DISC1: variants seen among roughly 807,000 people sequenced by gnomAD.
The protein encoded by DISC1 is DISC1 scaffold protein.
In DISC1, 57 loss-of-function variants were observed where a neutral mutation model predicts 84.5. The observed-to-expected ratio is 0.67, with a 90% CI of 0.55 to 0.84. The LOEUF (loss-of-function observed/expected upper bound fraction) is 0.84. DISC1 is among the 40% of genes least tolerant of loss of function. The pLI is 0.00. For synonymous variants in DISC1, 411 were observed against 415.2 expected (o/e 0.99, Z 0.12); for missense variants, 1,000 against 1,057.8 (o/e 0.95, Z 0.76).
intron 9 of DISC1, among the ~76,000 whole-genome samples, chr1:231,861,373 TCC>T (rs141642458): frequency 0.053 from 7,920 of 149,194 alleles, 686 homozygotes; most frequent in African/African-American, 0.18. Context: ...CAAGCAATCC[TCC>T]CCCACCTTGG....
At chr1:231,745,455 C>T (rs1025793731) in intron 3 of DISC1, 1 of 225,078 alleles carries the variant, frequency 4.4e-6, no homozygotes, top group Non-Finnish European at 9.8e-6. Flanking sequence ...CTCCTGACCT[C>T]AAGCAATCCA....
At chr1:231,968,681 C>A (rs1170092363) in intron 10 of DISC1, among the ~76,000 whole-genome samples, 1 of 151,950 alleles carries the variant, frequency 6.6e-6, no homozygotes, top group African/African-American at 2.4e-5. Context: ...GTAATGAAGA[C>A]CCCTGAGGTT....
intron 9 of DISC1, chr1:231,855,409 T>C: frequency 1.0e-6 from 1 of 985,348 alleles, no homozygotes; most frequent in Non-Finnish European, 1.2e-6. Context: ...TCCACAGTGA[T>C]AGAATGTTCC....
intron 4 of DISC1, among the ~76,000 whole-genome samples, chr1:231,755,531 A>G (rs1015070488): frequency 3.9e-5 from 6 of 152,102 alleles, no homozygotes; most frequent in Admixed American, 1.3e-4. Context: ...TCAGTTTTCT[A>G]TTGAGCATCT....
chr1:231,793,659 A>C (rs2738884), intron 6 of DISC1, among the ~76,000 whole-genome samples: 149,001 of 152,206 alleles, frequency 0.98, 72,981 homozygotes, highest in East Asian at 1. Context: ...CTCATAGTGC[A>C]GCCCAATTAT....
rs1164324789 is a variant in DISC1 at position 232,039,259 on chromosome 1, C to T, written c.*2428C>T. On this transcript the variant is annotated 3_prime_UTR_variant, in exon 13 of 13. Transcript: ENST00000439617. The stretch of plus-strand genomic sequence containing the variant: ...CATTGCCAATAACAAATTCCTACTT[C>T]GACATATGTCTTTTCAAAAAGCCTC... 6.6e-6 allele frequency: 1 copy of T among 152,154 alleles called. No homozygotes were observed. Among genetic ancestry groups the T allele is most frequent in the Non-Finnish European group, 1.5e-5 (1 of 68,034 alleles). The allele number at this position is 152,154 out of a possible 1,614,324, so 9.4% of individuals were successfully genotyped here. A position where few individuals can be genotyped will look rare whatever the true frequency, so the allele number is the denominator to read the frequency against.
At chr1:231,756,912 A>G (rs905704110) in intron 4 of DISC1, among the ~76,000 whole-genome samples, 1 of 152,198 alleles carries the variant, frequency 6.6e-6, no homozygotes, top group South Asian at 2.1e-4. Flanking sequence ...AGTTGCTAAA[A>G]TTTTTTTAAA....
At chr1:232,022,586 G>A (rs926117108) in intron 11 of DISC1, among the ~76,000 whole-genome samples, 6 of 152,026 alleles carry the variant, frequency 3.9e-5, no homozygotes, top group African/African-American at 9.7e-5. Context: ...GATTACAGGC[G>A]TGAGCCACCG....
intron 9 of DISC1, among the ~76,000 whole-genome samples, chr1:231,927,616 T>C (rs1476599611): frequency 6.6e-6 from 1 of 152,220 alleles, no homozygotes; most frequent in Non-Finnish European, 1.5e-5. Context: ...GTGTTCTATT[T>C]ATGGGTAACC....
intron 10 of DISC1, among the ~76,000 whole-genome samples, chr1:231,971,907 G>A (rs912319733): frequency 2.6e-5 from 4 of 152,122 alleles, no homozygotes; most frequent in South Asian, 4.2e-4. Context: ...ATGATTTAGC[G>A]GACTAAGAAA....
At chr1:231,971,340 C>T (rs1661927360) in intron 10 of DISC1, among the ~76,000 whole-genome samples, 1 of 152,122 alleles carries the variant, frequency 6.6e-6, no homozygotes, top group African/African-American at 2.4e-5. Context: ...ATGGTATGAA[C>T]CTGTTAGCTT....
At chr1:232,013,267 G>A (rs1233373424) in intron 11 of DISC1, among the ~76,000 whole-genome samples, 2 of 152,188 alleles carry the variant, frequency 1.3e-5, no homozygotes, top group African/African-American at 4.8e-5. Context: ...TTCTGAGCCA[G>A]TAGCTCTCAC....
intron 1 of DISC1, among the ~76,000 whole-genome samples, chr1:231,653,394 T>G (rs1362088190): frequency 6.6e-6 from 1 of 152,156 alleles, no homozygotes; most frequent in Non-Finnish European, 1.5e-5. Flanking sequence ...GTTTGCAAGG[T>G]TGCCCTGGCC....
chr1:231,805,102 A>C (rs2079597298), intron 8 of DISC1, among the ~76,000 whole-genome samples: 2 of 152,226 alleles, frequency 1.3e-5, no homozygotes, highest in African/African-American at 4.8e-5. Context: ...CACATTAAGA[A>C]AAGTAATTTA....
At chr1:231,912,248 A>G (rs529348487) in intron 9 of DISC1, among the ~76,000 whole-genome samples, 114 of 152,344 alleles carry the variant, frequency 7.5e-4, no homozygotes, top group Non-Finnish European at 1.4e-3. Context: ...TTGGAGGAGA[A>G]GAGACACTCT....
intron 3 of DISC1, among the ~76,000 whole-genome samples, chr1:231,711,696 A>T (rs1051367347): frequency 6.6e-6 from 1 of 152,194 alleles, no homozygotes; most frequent in Non-Finnish European, 1.5e-5. Context: ...AGGCAGAGAC[A>T]CAAATTAACC....
intron 8 of DISC1, among the ~76,000 whole-genome samples, chr1:231,816,949 C>G (rs2081062529): frequency 6.6e-6 from 1 of 151,832 alleles, no homozygotes; most frequent in Admixed American, 6.6e-5. Context: ...CTTTCACCTC[C>G]TCCTCCTCCT....
intron 8 of DISC1, among the ~76,000 whole-genome samples, chr1:231,808,906 A>G (rs2079989270): frequency 6.6e-6 from 1 of 152,232 alleles, no homozygotes; most frequent in African/African-American, 2.4e-5. Flanking sequence ...AGTGTAATTT[A>G]CGGATCCTGG....
intron 3 of DISC1, among the ~76,000 whole-genome samples, chr1:231,712,828 G>A (rs1235280115): frequency 2.6e-5 from 4 of 152,166 alleles, no homozygotes; most frequent in African/African-American, 9.7e-5. Context: ...CAAAAACCTG[G>A]GGCAAAAGAT....
Sources: allele counts gnomAD v4.1 joint callset (sites outside exome capture counted in the v4.1 genomes callset), GRCh38; gene constraint gnomAD v4.1.1; transcripts MANE v1.5; gene names NCBI Gene and HGNC (gene_info 2026-07-23, HGNC 2026-07-21).